Variants in SLC4A7 observed in about 807,000 individuals in gnomAD.
SLC4A7 encodes the protein solute carrier family 4 member 7, also known as sodium bicarbonate cotransporter 3.
In SLC4A7, 51 loss-of-function variants were observed where a neutral mutation model predicts 137.6. The ratio of observed to expected loss-of-function variants is 0.37; its 90% confidence interval spans 0.30 to 0.47. The LOEUF (loss-of-function observed/expected upper bound fraction) is 0.47, where lower values mean the gene tolerates loss of function less well. Among genes scored for constraint, SLC4A7 ranks in the 20% least tolerant of loss-of-function variants. The pLI is 1.00. For synonymous variants in SLC4A7, 542 were observed against 518.6 expected (o/e 1.05, Z -0.61); for missense variants, 1,247 against 1,525.4 (o/e 0.82, Z 3.04).
At chr3:27,396,001 C>A (rs1187561354) in intron 18 of SLC4A7, among the ~76,000 whole-genome samples, 1 of 151,970 alleles carries the variant, frequency 6.6e-6, no homozygotes, top group Non-Finnish European at 1.5e-5. Context: ...TTTGACAGTA[C>A]AATGTAAGAT....
intron 24 of SLC4A7, among the ~76,000 whole-genome samples, chr3:27,380,078 G>A (rs2050263756): frequency 6.6e-6 from 1 of 152,172 alleles, no homozygotes; most frequent in Admixed American, 6.5e-5. Flanking sequence ...GGAGGCCAAG[G>A]CGGGCGGATC....
intron 1 of SLC4A7, among the ~76,000 whole-genome samples, chr3:27,466,234 G>A (rs1398122061): frequency 1.3e-5 from 2 of 151,068 alleles, no homozygotes; most frequent in Non-Finnish European, 1.5e-5. Flanking sequence ...GGCGGATCAC[G>A]AGGTCAGGAG....
chr3:27,443,003 G>A (rs887435102), intron 3 of SLC4A7, among the ~76,000 whole-genome samples: 2 of 149,568 alleles, frequency 1.3e-5, no homozygotes, highest in African/African-American at 2.5e-5. Context: ...ATTAGCCACC[G>A]CGCTGGGCAT....
At chr3:27,424,319 C>T (rs1330213067) in intron 7 of SLC4A7, 167 bp from the exon 8 acceptor site, 3 of 449,234 alleles carry the variant, frequency 6.7e-6, no homozygotes, top group Non-Finnish European at 1.2e-5. Flanking sequence ...ACTAGAACAA[C>T]ATTTTAAGCA....
intron 24 of SLC4A7, among the ~76,000 whole-genome samples, chr3:27,379,770 T>G (rs868278870): frequency 2.6e-4 from 39 of 152,232 alleles, no homozygotes; most frequent in African/African-American, 9.2e-4. Context: ...ACATTTAATC[T>G]TATCAAATAA....
At chr3:27,472,530 T>C (rs903902546) in intron 1 of SLC4A7, among the ~76,000 whole-genome samples, 14 of 152,070 alleles carry the variant, frequency 9.2e-5, no homozygotes, top group Admixed American at 5.9e-4. Context: ...ATAACTAAAT[T>C]GAATGCAGTG....
At chr3:27,384,590 T>C (rs2050748929) in intron 23 of SLC4A7, among the ~76,000 whole-genome samples, 1 of 152,206 alleles carries the variant, frequency 6.6e-6, no homozygotes, top group Non-Finnish European at 1.5e-5. Context: ...CTCATTCTAA[T>C]TAATACAGAA....
intron 1 of SLC4A7, among the ~76,000 whole-genome samples, chr3:27,458,660 T>C (rs1429417406): frequency 6.6e-6 from 1 of 152,204 alleles, no homozygotes; most frequent in African/African-American, 2.4e-5. Flanking sequence ...TCTCAATACA[T>C]TAAGCCCCAA....
intron 3 of SLC4A7, among the ~76,000 whole-genome samples, chr3:27,445,814 C>T (rs977021295): frequency 2.7e-5 from 4 of 147,210 alleles, no homozygotes; most frequent in Non-Finnish European, 6.0e-5. Flanking sequence ...CACCTGTAAT[C>T]CCAGCTACTT....
intron 18 of SLC4A7, among the ~76,000 whole-genome samples, chr3:27,397,471 G>C (rs1046931705): frequency 1.3e-5 from 2 of 151,596 alleles, no homozygotes; most frequent in African/African-American, 4.8e-5. Flanking sequence ...ATGGACCAGC[G>C]GTGATACTTT....
chr3:27,409,301 A>T, intron 13 of SLC4A7, 55 bp downstream of exon 13: 1 of 1,358,030 alleles, frequency 7.4e-7, no homozygotes, highest in Non-Finnish European at 1.0e-6. Context: ...AAATGCATAC[A>T]GACACTTGCC....
At chr3:27,418,724 C>A in intron 10 of SLC4A7, 92 bp from the exon 11 acceptor site, 2 of 742,506 alleles carry the variant, frequency 2.7e-6, no homozygotes, top group South Asian at 1.9e-5. Flanking sequence ...AATAGCTTCA[C>A]AATAAAGATA....
chr3:27,423,446 C>G (rs1025041821), intron 8 of SLC4A7, among the ~76,000 whole-genome samples: 1 of 152,110 alleles, frequency 6.6e-6, no homozygotes, highest in Non-Finnish European at 1.5e-5. Context: ...GTCTTTTGCC[C>G]TGTTCTTTTA....
intron 1 of SLC4A7, chr3:27,456,556 G>A: frequency 2.3e-6 from 2 of 868,448 alleles, no homozygotes; most frequent in South Asian, 2.7e-5. Context: ...TTCTAAGCCA[G>A]TGCTAATAAG....
intron 13 of SLC4A7, 76 bp from the exon 14 acceptor site, chr3:27,405,039 A>T: frequency 1.0e-6 from 1 of 983,362 alleles, no homozygotes; most frequent in Non-Finnish European, 1.4e-6. Flanking sequence ...TACATGTAAG[A>T]CATCTGGAAA....
At chr3:27,460,514 T>C (rs994076662) in intron 1 of SLC4A7, among the ~76,000 whole-genome samples, 2 of 152,222 alleles carry the variant, frequency 1.3e-5, no homozygotes, top group Admixed American at 1.3e-4. Flanking sequence ...AATTGGACCA[T>C]CTGAATCAAT....
intron 2 of SLC4A7, among the ~76,000 whole-genome samples, chr3:27,449,046 T>C (rs1170739363): frequency 1.5e-5 from 2 of 132,160 alleles, no homozygotes; most frequent in East Asian, 8.9e-4. Flanking sequence ...TAAAAAGATA[T>C]CTTTTTTTTT....
chr3:27,444,094 C>T (rs28582537), intron 3 of SLC4A7, among the ~76,000 whole-genome samples: 4,504 of 152,212 alleles, frequency 0.03, 92 homozygotes, highest in East Asian at 0.066. Flanking sequence ...TCTGGTTGGG[C>T]AATGTTATTC....
rs1048682100 is a variant in SLC4A7 at position 27,376,622 on chromosome 3, A to G, written c.*142T>C. The G allele has an allele frequency of 8.1e-5, 40 of 496,306 alleles. No homozygotes were observed. Among genetic ancestry groups the G allele is most frequent in the Non-Finnish European group, 1.3e-4 (35 of 274,486 alleles). The allele number at this position is 496,306 out of a possible 1,614,324, so 30.7% of individuals were successfully genotyped here. A position where few individuals can be genotyped will look rare whatever the true frequency, so the allele number is the denominator to read the frequency against. ...TAAATACATAGTCTCCACGGTGCTC[A>G]TTACAAACTCCAGACACTACTTTTA... On this transcript the variant is annotated 3_prime_UTR_variant, in exon 26 of 26. Coordinates refer to ENST00000454389, the MANE Select transcript of SLC4A7 (RefSeq NM_001321103.2).
Sources: allele counts gnomAD v4.1 joint callset (sites outside exome capture counted in the v4.1 genomes callset), GRCh38; gene constraint gnomAD v4.1.1; transcripts MANE v1.5; gene names NCBI Gene and HGNC (gene_info 2026-07-23, HGNC 2026-07-21).